ST6GALNAC3: variants seen among roughly 807,000 people sequenced by gnomAD.
The protein encoded by ST6GALNAC3 is alpha-N-acetylgalactosaminide alpha-2,6-sialyltransferase 3.
Under a neutral mutation model 32.7 loss-of-function variants are expected in ST6GALNAC3, and 25 were observed. The ratio of observed to expected loss-of-function variants is 0.76; its 90% CI spans 0.56 to 1.07. The LOEUF is 1.07. Ranked by LOEUF, ST6GALNAC3 falls within the 50% of genes least tolerant of loss-of-function variation. The pLI is 0.00. For synonymous variants in ST6GALNAC3, 129 were observed against 133.1 expected (o/e 0.97, Z 0.21); for missense variants, 355 against 382.4 (o/e 0.93, Z 0.60).
chr1:76,303,309 A>G (rs1485256336), intron 1 of ST6GALNAC3, among the ~76,000 whole-genome samples: 2 of 151,930 alleles, frequency 1.3e-5, no homozygotes, highest in Non-Finnish European at 2.9e-5. Flanking sequence ...TCCATTTTCA[A>G]TCTGCCACCT....
At chr1:76,298,217 G>A (rs1049331937) in intron 1 of ST6GALNAC3, among the ~76,000 whole-genome samples, 2 of 152,010 alleles carry the variant, frequency 1.3e-5, no homozygotes, top group African/African-American at 4.8e-5. Flanking sequence ...GGCAATTAAA[G>A]TGCTTCAAAT....
At chr1:76,622,276 A>T (rs1648696759) in intron 3 of ST6GALNAC3, among the ~76,000 whole-genome samples, 2 of 151,926 alleles carry the variant, frequency 1.3e-5, no homozygotes, top group Non-Finnish European at 1.5e-5. Flanking sequence ...CTAATTGTAC[A>T]TTCCCCCATT....
At chr1:76,237,564 A>G (rs897406024) in intron 1 of ST6GALNAC3, among the ~76,000 whole-genome samples, 2 of 152,198 alleles carry the variant, frequency 1.3e-5, no homozygotes, top group Non-Finnish European at 2.9e-5. Flanking sequence ...AATAAGGTAG[A>G]AGTTTAATGG....
intron 2 of ST6GALNAC3, among the ~76,000 whole-genome samples, chr1:76,386,661 G>C (rs1025846405): frequency 2.0e-5 from 3 of 152,092 alleles, no homozygotes; most frequent in Non-Finnish European, 2.9e-5. Context: ...TCTCATAACT[G>C]TGGGTGTTAG....
chr1:76,214,138 G>A (rs1181186984), intron 1 of ST6GALNAC3, among the ~76,000 whole-genome samples: 3 of 152,054 alleles, frequency 2.0e-5, no homozygotes, highest in Admixed American at 2.0e-4. Flanking sequence ...CAATATGGCA[G>A]CCACTACTCA....
At chr1:76,089,946 G>T (rs1376156171) in intron 1 of ST6GALNAC3, among the ~76,000 whole-genome samples, 1 of 152,196 alleles carries the variant, frequency 6.6e-6, no homozygotes, top group Non-Finnish European at 1.5e-5. Flanking sequence ...TTTTATAAAT[G>T]GAGACACTGG....
At chr1:76,289,807 C>T (rs4949626) in intron 1 of ST6GALNAC3, among the ~76,000 whole-genome samples, 124,619 of 152,212 alleles carry the variant, frequency 0.82, 51,128 homozygotes, top group Middle Eastern at 0.87. Context: ...ACATTCACTG[C>T]TTGGTTATGT....
chr1:76,458,728 A>T (rs1489863624), intron 3 of ST6GALNAC3, among the ~76,000 whole-genome samples: 1 of 101,262 alleles, frequency 9.9e-6, no homozygotes, highest in Non-Finnish European at 1.9e-5. Flanking sequence ...CACTCTGGGG[A>T]CTGTTGTGGG....
chr1:76,375,366 G>GA (rs1557834130), intron 2 of ST6GALNAC3, among the ~76,000 whole-genome samples: 2 of 152,094 alleles, frequency 1.3e-5, no homozygotes, highest in African/African-American at 2.4e-5. Context: ...TAGGTATTGG[G>GA]AAAAAATTGA....
intron 3 of ST6GALNAC3, among the ~76,000 whole-genome samples, chr1:76,571,441 T>C (rs1021861150): frequency 4.3e-4 from 65 of 152,190 alleles, no homozygotes; most frequent in African/African-American, 1.5e-3. Flanking sequence ...AGTTGAAATA[T>C]TTTCACAGCC....
chr1:76,421,766 G>T (rs944622672), intron 3 of ST6GALNAC3, among the ~76,000 whole-genome samples: 7 of 151,954 alleles, frequency 4.6e-5, no homozygotes, highest in Non-Finnish European at 7.4e-5. Flanking sequence ...CTGCATAAAT[G>T]AAGAATAAAT....
At chr1:76,582,501 A>G (rs2100551152) in intron 3 of ST6GALNAC3, among the ~76,000 whole-genome samples, 1 of 152,298 alleles carries the variant, frequency 6.6e-6, no homozygotes. Context: ...AGAGGAGGGT[A>G]CATAGATATC....
chr1:76,400,656 G>T (rs531203605), intron 2 of ST6GALNAC3, among the ~76,000 whole-genome samples: 2 of 152,040 alleles, frequency 1.3e-5, no homozygotes, highest in Non-Finnish European at 2.9e-5. Flanking sequence ...GGAGGCTGAG[G>T]CAGGCAGATC....
intron 2 of ST6GALNAC3, among the ~76,000 whole-genome samples, chr1:76,409,931 T>C (rs72678036): frequency 0.069 from 10,514 of 152,224 alleles, 485 homozygotes; most frequent in South Asian, 0.19. Flanking sequence ...CAATAGGCTG[T>C]ACCTTCAGAA....
chr1:76,544,790 G>A (rs1393117417), intron 3 of ST6GALNAC3, among the ~76,000 whole-genome samples: 1 of 152,196 alleles, frequency 6.6e-6, no homozygotes, highest in Non-Finnish European at 1.5e-5. Context: ...GGTATTTAAA[G>A]CTATGGGAGT....
chr1:76,278,182 G>C (rs541339036), intron 1 of ST6GALNAC3, among the ~76,000 whole-genome samples: 2 of 126,102 alleles, frequency 1.6e-5, no homozygotes, highest in Admixed American at 7.7e-5. Flanking sequence ...ATAATAAATG[G>C]TATCTTTCAG....
chr1:76,582,255 A>G (rs1422667644), intron 3 of ST6GALNAC3, among the ~76,000 whole-genome samples: 1 of 152,196 alleles, frequency 6.6e-6, no homozygotes, highest in Non-Finnish European at 1.5e-5. Flanking sequence ...GACACAATGG[A>G]TATAAATGAA....
At chr1:76,478,815 T>A (rs1659523169) in intron 3 of ST6GALNAC3, among the ~76,000 whole-genome samples, 1 of 145,446 alleles carries the variant, frequency 6.9e-6, no homozygotes, top group South Asian at 2.2e-4. Flanking sequence ...CAGGCTGGAG[T>A]GCAGTGGCTC....
chr1:76,309,183 C>T (rs1351249786), intron 1 of ST6GALNAC3, among the ~76,000 whole-genome samples: 13 of 152,130 alleles, frequency 8.5e-5, no homozygotes. Flanking sequence ...TCATTTGACA[C>T]CTGGTATTAT....
Sources: gnomAD v4.1 joint callset for allele counts (sites outside exome capture counted in the v4.1 genomes callset) on GRCh38, gnomAD v4.1.1 for gene constraint, MANE v1.5 for transcripts, NCBI Gene and HGNC (gene_info 2026-07-23, HGNC 2026-07-21) for gene names.